The following GABRA5 variants were observed in gnomAD, a reference collection of about 807,000 sequenced individuals.
The protein encoded by GABRA5 is gamma-aminobutyric acid type A receptor subunit alpha5, also known as gamma-aminobutyric acid receptor subunit alpha-5.
GABRA5 carries 18 observed loss-of-function variants against 47.3 expected under a neutral mutation model. The ratio of observed to expected loss-of-function variants is 0.38; its 90% CI spans 0.26 to 0.56. The LOEUF is 0.56. Ranked by LOEUF, GABRA5 falls within the 20% of genes least tolerant of loss-of-function variation. The pLI is 0.71. For missense variants in GABRA5, 365 were observed against 599.3 expected, an observed-to-expected ratio of 0.61 and a Z score of 4.08; for synonymous variants, 237 against 229.3, an observed-to-expected ratio of 1.03 and a Z score of -0.30.
chr15:26,919,010 G>A (rs1321746005), intron 7 of GABRA5, among the ~76,000 whole-genome samples: 1 of 152,110 alleles, frequency 6.6e-6, no homozygotes, highest in African/African-American at 2.4e-5. Flanking sequence ...AGACATGGTG[G>A]TGCATGCCTG....
Position 26,914,818 on chromosome 15 carries a change from A to T in GABRA5, c.513A>T (p.Ala171=). 6.2e-7 allele frequency: 1 copy of T among 1,613,946 alleles called. No homozygotes were observed. The highest frequency in any genetic ancestry group is 1.7e-5 in the Admixed American group (1 of 60,020). The change falls in exon 7 of 11, where the codon GCA becomes GCT. Residue 171 remains alanine (A), a synonymous_variant. Transcript: ENST00000335625. ...TATTTTTCAGCTTGACCATCTCTGC[A>T]GAGTGCCCCATGCAGCTTGAGGACT... is the stretch of plus-strand genomic sequence containing the variant. ...LLYTMRLTIS[A]ECPMQLEDFP... is the part of the protein sequence containing the mutation.
intron 6 of GABRA5, among the ~76,000 whole-genome samples, chr15:26,886,255 G>A (rs1395793491): frequency 6.6e-6 from 1 of 152,006 alleles, no homozygotes; most frequent in Admixed American, 6.6e-5. Context: ...CCTGACCTCA[G>A]GTGATCCACT....
At chr15:26,944,056 C>T (rs1302730458) in intron 10 of GABRA5, among the ~76,000 whole-genome samples, 7 of 152,196 alleles carry the variant, frequency 4.6e-5, no homozygotes, top group African/African-American at 9.7e-5. Context: ...CGGCTAATTT[C>T]GCCACACAGA....
chr15:26,929,737 A>G (rs1894046166), intron 7 of GABRA5, among the ~76,000 whole-genome samples: 1 of 152,170 alleles, frequency 6.6e-6, no homozygotes, highest in Admixed American at 6.5e-5. Context: ...CCCAAGAGGT[A>G]AGGCAGTGCA....
intron 6 of GABRA5, among the ~76,000 whole-genome samples, chr15:26,885,298 CA>C (rs56883238): frequency 0.032 from 3,390 of 105,476 alleles, 85 homozygotes; most frequent in East Asian, 0.094. Flanking sequence ...GACTCCGTTT[CA>C]AAAAAAAAAA....
At chr15:26,939,101 T>A (rs1894319506) in intron 8 of GABRA5, 1 of 678,944 alleles carries the variant, frequency 1.5e-6, no homozygotes, top group East Asian at 2.5e-5. Flanking sequence ...TCAGCCAAAG[T>A]TTTTTGAATT....
At chr15:26,904,372 A>G (rs1893393862) in intron 6 of GABRA5, among the ~76,000 whole-genome samples, 1 of 152,164 alleles carries the variant, frequency 6.6e-6, no homozygotes, top group East Asian at 1.9e-4. Context: ...GTACATCTGT[A>G]GTATAGTTTG....
In GABRA5 at chr15:26,937,172, C is replaced by G. The variant is rs1595434445; in HGVS notation, c.581-13C>G. 2 of 1,613,760 alleles carry G rather than the reference C, an allele frequency of 1.2e-6. No individual in the cohort carries two copies. On this transcript the variant is annotated splice_polypyrimidine_tract_variant and intron_variant, in intron 7 of 10. Coordinates refer to ENST00000335625, the MANE Select transcript of GABRA5 (RefSeq NM_000810.4). ...TTCATGTTTATGTCACTTTCTGCCC[C>G]CTCCTCATACAGATGCGTACCCTAA...
In GABRA5 at chr15:26,886,042, T is replaced by C. The variant is rs532562246; in HGVS notation, c.497+2485T>C. ...GTTGTTGTTGTTGTTGTTGTTGAGA[T>C]GGAGTCTCACTCTGTCACCCAGGCT... is the stretch of plus-strand genomic sequence containing the variant. On this transcript the variant is annotated intron_variant, in intron 6 of 10. Coordinates refer to ENST00000335625, the MANE Select transcript of GABRA5 (RefSeq NM_000810.4). 3.8e-3 allele frequency among the ~76,000 whole-genome samples: 571 copies of C among 149,856 alleles called. 1 individual carries two copies. The highest frequency in any genetic ancestry group is 7.0e-3 in the South Asian group (33 of 4,694).
At chr15:26,906,333 T>C (rs552042274) in intron 6 of GABRA5, among the ~76,000 whole-genome samples, 1 of 152,332 alleles carries the variant, frequency 6.6e-6, no homozygotes, top group East Asian at 1.9e-4. Flanking sequence ...TCTCAGTCTT[T>C]GCAGATAGGG....
chr15:26,928,200 T>TG (rs1894005717), intron 7 of GABRA5, among the ~76,000 whole-genome samples: 1 of 152,128 alleles, frequency 6.6e-6, no homozygotes, highest in Non-Finnish European at 1.5e-5. Context: ...TTTCAGGAAA[T>TG]GAGGGGTGAA....
chr15:26,892,887 T>C (rs184969552), intron 6 of GABRA5, among the ~76,000 whole-genome samples: 43 of 152,032 alleles, frequency 2.8e-4, no homozygotes, highest in African/African-American at 7.7e-4. Flanking sequence ...TATGGGTATG[T>C]GTGGTGTGTG....
At chr15:26,894,194 G>A (rs1227944135) in intron 6 of GABRA5, among the ~76,000 whole-genome samples, 1 of 152,192 alleles carries the variant, frequency 6.6e-6, no homozygotes, top group African/African-American at 2.4e-5. Flanking sequence ...TTGGACAAAG[G>A]TGGAAACGGA....
At chr15:26,921,471 C>T (rs191082773) in intron 7 of GABRA5, among the ~76,000 whole-genome samples, 161 of 152,080 alleles carry the variant, frequency 1.1e-3, no homozygotes, top group East Asian at 5.8e-4. Flanking sequence ...TTATTTCTGA[C>T]GTTGGTAATT....
chr15:26,879,201 G>A (rs531762247), intron 3 of GABRA5, among the ~76,000 whole-genome samples: 1 of 152,360 alleles, frequency 6.6e-6, no homozygotes, highest in East Asian at 1.9e-4. Flanking sequence ...GCACCTGGAC[G>A]TGGTCTAAAA....
intron 6 of GABRA5, among the ~76,000 whole-genome samples, chr15:26,911,857 G>C (rs1264833034): frequency 6.6e-6 from 1 of 152,176 alleles, no homozygotes; most frequent in Non-Finnish European, 1.5e-5. Context: ...GTGCCTGCCG[G>C]GGTCTGGCAG....
chr15:26,909,344 A>G (rs1417027458), intron 6 of GABRA5, among the ~76,000 whole-genome samples: 1 of 152,202 alleles, frequency 6.6e-6, no homozygotes, highest in Non-Finnish European at 1.5e-5. Flanking sequence ...AAAGCTTTAA[A>G]TTCACCACAT....
intron 6 of GABRA5, among the ~76,000 whole-genome samples, chr15:26,894,589 C>T (rs1841539765): frequency 6.6e-6 from 1 of 152,172 alleles, no homozygotes; most frequent in Non-Finnish European, 1.5e-5. Flanking sequence ...TCCAGTTTCC[C>T]CTCAGTTTCC....
At chr15:26,873,565 G>A (rs1179765530) in intron 3 of GABRA5, among the ~76,000 whole-genome samples, 1 of 152,196 alleles carries the variant, frequency 6.6e-6, no homozygotes, top group Non-Finnish European at 1.5e-5. Flanking sequence ...CAGTGTGGAC[G>A]TTTGTTTTTG....
Sources: gnomAD v4.1 joint callset for allele counts (sites outside exome capture counted in the v4.1 genomes callset) on GRCh38, gnomAD v4.1.1 for gene constraint, MANE v1.5 for transcripts, NCBI Gene and HGNC (gene_info 2026-07-23, HGNC 2026-07-21) for gene names.